PXDNL: variants seen among roughly 807,000 people sequenced by gnomAD.
PXDNL encodes peroxidasin like, also known as probable oxidoreductase PXDNL.
Under a neutral mutation model 150.8 loss-of-function variants are expected in PXDNL, and 145 were observed. The ratio of observed to expected loss-of-function variants is 0.96; its 90% CI spans 0.84 to 1.10. PXDNL has a LOEUF of 1.10. Ranked by LOEUF, PXDNL falls within the 50% of genes least tolerant of loss-of-function variation. PXDNL has a pLI of 0.00. For synonymous variants in PXDNL, 757 were observed against 725.7 expected (o/e 1.04, Z -0.69); for missense variants, 2,087 against 1,873.9 (o/e 1.11, Z -2.10).
At chr8:51,544,677 C>A (rs908012668) in intron 4 of PXDNL, among the ~76,000 whole-genome samples, 8 of 152,116 alleles carry the variant, frequency 5.3e-5, no homozygotes, top group Admixed American at 3.9e-4. Flanking sequence ...CCTCACCCCC[C>A]ACAACCTACT....
At chr8:51,533,350 C>T (rs57557079) in intron 4 of PXDNL, among the ~76,000 whole-genome samples, 1,999 of 152,072 alleles carry the variant, frequency 0.013, 26 homozygotes, top group African/African-American at 0.028. Flanking sequence ...AGGGTTTCAC[C>T]ATGTTGGCCA....
intron 2 of PXDNL, among the ~76,000 whole-genome samples, chr8:51,646,911 G>A (rs1044737251): frequency 6.6e-6 from 1 of 152,074 alleles, no homozygotes; most frequent in East Asian, 1.9e-4. Context: ...GGGCCAGGAC[G>A]GTTTATTCAG....
At chr8:51,451,620 G>A (rs1305512366) in intron 10 of PXDNL, among the ~76,000 whole-genome samples, 2 of 152,114 alleles carry the variant, frequency 1.3e-5, no homozygotes, top group Non-Finnish European at 2.9e-5. Flanking sequence ...TGTCCACACT[G>A]TGATTCATAT....
chr8:51,607,672 C>A (rs2130701329), intron 2 of PXDNL, among the ~76,000 whole-genome samples: 1 of 148,684 alleles, frequency 6.7e-6, no homozygotes, highest in Admixed American at 6.6e-5. Flanking sequence ...AAAACCCCAT[C>A]TCTACTAAAA....
intron 6 of PXDNL, among the ~76,000 whole-genome samples, chr8:51,482,099 C>A (rs1402186897): frequency 6.6e-6 from 1 of 152,194 alleles, no homozygotes; most frequent in Non-Finnish European, 1.5e-5. Flanking sequence ...ACTCAACACA[C>A]CCCATGAAAG....
At chr8:51,460,538 A>T (rs944460028) in intron 8 of PXDNL, among the ~76,000 whole-genome samples, 1 of 148,672 alleles carries the variant, frequency 6.7e-6, no homozygotes, top group Admixed American at 6.7e-5. Flanking sequence ...GAAAACACTG[A>T]GAGTTGCTAG....
chr8:51,745,828 G>C (rs1258275674), intron 1 of PXDNL, among the ~76,000 whole-genome samples: 1 of 150,784 alleles, frequency 6.6e-6, no homozygotes, highest in Non-Finnish European at 1.5e-5. Flanking sequence ...GGAGTGCAGT[G>C]GTGCGACCTC....
intron 17 of PXDNL, among the ~76,000 whole-genome samples, chr8:51,375,555 T>C (rs1353776429): frequency 6.6e-6 from 1 of 152,254 alleles, no homozygotes; most frequent in Non-Finnish European, 1.5e-5. Flanking sequence ...CATACTTCCT[T>C]TTTCTCACTC....
chr8:51,380,325 T>G (rs1265706702), intron 17 of PXDNL, among the ~76,000 whole-genome samples: 3 of 152,188 alleles, frequency 2.0e-5, no homozygotes, highest in African/African-American at 4.8e-5. Context: ...CTTTACCAGT[T>G]TAATTTTAAA....
At chr8:51,686,799 A>G (rs1485248947) in intron 1 of PXDNL, among the ~76,000 whole-genome samples, 1 of 152,232 alleles carries the variant, frequency 6.6e-6, no homozygotes, top group East Asian at 1.9e-4. Flanking sequence ...TTCAAAAGAT[A>G]TGTATAACTT....
At chr8:51,710,608 G>C (rs942665086) in intron 1 of PXDNL, among the ~76,000 whole-genome samples, 1 of 152,060 alleles carries the variant, frequency 6.6e-6, no homozygotes, top group Non-Finnish European at 1.5e-5. Flanking sequence ...ACCTCCCTTA[G>C]GCCTTGGTAG....
chr8:51,618,001 CT>C (rs1814165256), intron 2 of PXDNL, among the ~76,000 whole-genome samples: 2 of 152,254 alleles, frequency 1.3e-5, no homozygotes. Flanking sequence ...TATAAAATGC[CT>C]TTTGAAGAAA....
At chr8:51,504,872 T>C (rs1346703451) in intron 4 of PXDNL, among the ~76,000 whole-genome samples, 2 of 152,356 alleles carry the variant, frequency 1.3e-5, no homozygotes, top group African/African-American at 4.8e-5. Flanking sequence ...GATGGGAGTA[T>C]GAATCCTAAT....
intron 3 of PXDNL, among the ~76,000 whole-genome samples, chr8:51,578,815 G>C (rs1813143934): frequency 6.6e-6 from 1 of 151,934 alleles, no homozygotes; most frequent in African/African-American, 2.4e-5. Context: ...GCAAAATATA[G>C]CCAACTTATT....
At position 51,620,135 on chromosome 8, in the gene PXDNL, A is replaced by C. The variant is rs536749611; in HGVS notation, c.237-27437T>G. Among the ~76,000 whole-genome samples the C allele has an allele frequency of 2.0e-5, 3 of 152,338 alleles. No homozygotes were observed. The East Asian group carries it at 5.8e-4, about 29-fold the overall frequency. ...TGTGAAAACCTAGTTTTAAAAGAAC[A>C]CCTGAAAATATAGTTTTGAACAAAA... is the stretch of plus-strand genomic sequence containing the variant. On this transcript the variant is annotated intron_variant, in intron 2 of 22. Transcript: ENST00000356297.
At chr8:51,526,592 T>C (rs1811775946) in intron 4 of PXDNL, among the ~76,000 whole-genome samples, 1 of 152,196 alleles carries the variant, frequency 6.6e-6, no homozygotes, top group Non-Finnish European at 1.5e-5. Context: ...TCTGTATTTC[T>C]GTCACTAAAT....
intron 1 of PXDNL, among the ~76,000 whole-genome samples, chr8:51,797,918 G>A (rs936710580): frequency 5.9e-5 from 9 of 151,920 alleles, no homozygotes; most frequent in East Asian, 1.9e-4. Flanking sequence ...GCTACCTGAC[G>A]TCAAACAATA....
At chr8:51,763,177 AATG>A (rs1169695941) in intron 1 of PXDNL, among the ~76,000 whole-genome samples, 1 of 152,120 alleles carries the variant, frequency 6.6e-6, no homozygotes, top group Non-Finnish European at 1.5e-5. Flanking sequence ...TATTTATATA[AATG>A]ATATCATAGA....
At chr8:51,524,542 ACCTAATAT>A (rs1563449708) in intron 4 of PXDNL, among the ~76,000 whole-genome samples, 3 of 152,144 alleles carry the variant, frequency 2.0e-5, no homozygotes. Context: ...AAATCTTTCC[ACCTAATAT>A]GGAGTGAAGC....
Sources: allele counts gnomAD v4.1 joint callset (sites outside exome capture counted in the v4.1 genomes callset), GRCh38; gene constraint gnomAD v4.1.1; transcripts MANE v1.5; gene names NCBI Gene and HGNC (gene_info 2026-07-23, HGNC 2026-07-21).